ENOX1: variants seen among roughly 807,000 people sequenced by gnomAD.
The protein encoded by ENOX1 is ecto-NOX disulfide-thiol exchanger 1.
In ENOX1, 42 loss-of-function variants were observed where a neutral mutation model predicts 82.5. That is an observed-to-expected ratio of 0.51 (90% CI 0.40 to 0.66). The LOEUF (loss-of-function observed/expected upper bound fraction) is 0.66. ENOX1 is among the 30% of genes least tolerant of loss of function. The probability of loss-of-function intolerance (pLI) is 0.00; values close to 1 mark genes in which losing one functional copy is unlikely to be tolerated. For synonymous variants in ENOX1, 271 were observed against 282.2 expected (o/e 0.96, Z 0.40); for missense variants, 608 against 811.6 (o/e 0.75, Z 3.05).
intron 1 of ENOX1, among the ~76,000 whole-genome samples, chr13:43,780,451 A>T (rs1049428938): frequency 6.6e-6 from 1 of 152,226 alleles, no homozygotes; most frequent in Non-Finnish European, 1.5e-5. Context: ...TTAACCTTTT[A>T]TCAGCTTTTA....
chr13:43,615,407 T>C (rs546457847), intron 2 of ENOX1, among the ~76,000 whole-genome samples: 4 of 152,134 alleles, frequency 2.6e-5, no homozygotes, highest in African/African-American at 9.7e-5. Flanking sequence ...GAATCCAGCA[T>C]GGCATGATGG....
intron 1 of ENOX1, among the ~76,000 whole-genome samples, chr13:43,685,267 T>C (rs1315838280): frequency 6.6e-6 from 1 of 152,198 alleles, no homozygotes; most frequent in Non-Finnish European, 1.5e-5. Context: ...GCAATCTGCA[T>C]CTTGCATAGT....
chr13:43,784,178 G>T (rs1460286340), intron 1 of ENOX1, among the ~76,000 whole-genome samples: 3 of 152,170 alleles, frequency 2.0e-5, no homozygotes, highest in Non-Finnish European at 2.9e-5. Context: ...AAAATTACGT[G>T]TATAAATATA....
chr13:43,695,820 G>A (rs962422087), intron 1 of ENOX1, among the ~76,000 whole-genome samples: 3 of 152,026 alleles, frequency 2.0e-5, no homozygotes, highest in Non-Finnish European at 2.9e-5. Flanking sequence ...AATATTCCCC[G>A]TTTTTAAGTG....
chr13:43,250,658 T>C (rs1201146970), intron 14 of ENOX1, among the ~76,000 whole-genome samples: 1 of 152,236 alleles, frequency 6.6e-6, no homozygotes, highest in Non-Finnish European at 1.5e-5. Context: ...ATTGAATTTA[T>C]TGAGCCTCCT....
At chr13:43,336,727 A>G (rs2048736560) in intron 9 of ENOX1, among the ~76,000 whole-genome samples, 1 of 152,228 alleles carries the variant, frequency 6.6e-6, no homozygotes, top group African/African-American at 2.4e-5. Flanking sequence ...CATGGTTGAC[A>G]TAAGAACTGT....
At chr13:43,691,903 T>C (rs2086387790) in intron 1 of ENOX1, among the ~76,000 whole-genome samples, 1 of 152,052 alleles carries the variant, frequency 6.6e-6, no homozygotes, top group South Asian at 2.1e-4. Flanking sequence ...GGTTTCACCG[T>C]GTTAGGCAGG....
chr13:43,555,952 C>A (rs1287222411), intron 2 of ENOX1, among the ~76,000 whole-genome samples: 3 of 152,120 alleles, frequency 2.0e-5, no homozygotes, highest in Non-Finnish European at 4.4e-5. Context: ...GAAGGTTTGG[C>A]CATTATAACT....
At chr13:43,217,905 G>A (rs918235650) in intron 16 of ENOX1, among the ~76,000 whole-genome samples, 5 of 152,118 alleles carry the variant, frequency 3.3e-5, no homozygotes, top group Admixed American at 6.5e-5. Flanking sequence ...GGTCTTTTGC[G>A]CACCTTAAAG....
intron 2 of ENOX1, among the ~76,000 whole-genome samples, chr13:43,662,005 T>C (rs1014309865): frequency 2.0e-5 from 3 of 151,908 alleles, no homozygotes; most frequent in Admixed American, 1.3e-4. Flanking sequence ...TTTTTTTTTA[T>C]AGACAGCAAT....
At chr13:43,656,366 T>A (rs898630424) in intron 2 of ENOX1, among the ~76,000 whole-genome samples, 1 of 152,200 alleles carries the variant, frequency 6.6e-6, no homozygotes, top group African/African-American at 2.4e-5. Context: ...GTAAATTTTT[T>A]AAAATTAAGA....
chr13:43,619,833 ATTC>A (rs2082645585), intron 2 of ENOX1, among the ~76,000 whole-genome samples: 1 of 152,076 alleles, frequency 6.6e-6, no homozygotes, highest in Non-Finnish European at 1.5e-5. Flanking sequence ...TTGGGTATCA[ATTC>A]TTCTTTGAAT....
intron 2 of ENOX1, among the ~76,000 whole-genome samples, chr13:43,630,452 C>T (rs988274417): frequency 1.3e-5 from 2 of 151,926 alleles, no homozygotes; most frequent in African/African-American, 4.8e-5. Flanking sequence ...GATAGAAATA[C>T]AATTAAAACA....
intron 1 of ENOX1, among the ~76,000 whole-genome samples, chr13:43,670,555 T>C (rs1033639155): frequency 3.3e-5 from 5 of 152,128 alleles, no homozygotes; most frequent in Non-Finnish European, 5.9e-5. Context: ...CTGAATTAAG[T>C]ATTTGAAGGA....
intron 14 of ENOX1, among the ~76,000 whole-genome samples, chr13:43,256,077 A>C (rs1043099306): frequency 6.6e-6 from 1 of 152,180 alleles, no homozygotes; most frequent in Non-Finnish European, 1.5e-5. Flanking sequence ...AGTCTTTTCA[A>C]TAAGTGGTGC....
chr13:43,730,952 T>G (rs542656972), intron 1 of ENOX1, among the ~76,000 whole-genome samples: 1 of 152,338 alleles, frequency 6.6e-6, no homozygotes, highest in Admixed American at 6.5e-5. Flanking sequence ...CAGCAGCTGC[T>G]GCTCTTTAAC....
chr13:43,504,707 G>C (rs529631386), intron 2 of ENOX1, among the ~76,000 whole-genome samples: 1 of 151,548 alleles, frequency 6.6e-6, no homozygotes, highest in Non-Finnish European at 1.5e-5. Flanking sequence ...AAAATGTTCA[G>C]TTATAAAAGA....
intron 2 of ENOX1, among the ~76,000 whole-genome samples, chr13:43,558,102 C>A (rs935709756): frequency 6.6e-6 from 1 of 152,184 alleles, no homozygotes; most frequent in Admixed American, 6.5e-5. Flanking sequence ...TGTGGTCATT[C>A]TGAGAGCTGG....
At chr13:43,657,061 G>A (rs1262974345) in intron 2 of ENOX1, among the ~76,000 whole-genome samples, 1 of 152,132 alleles carries the variant, frequency 6.6e-6, no homozygotes, top group East Asian at 1.9e-4. Context: ...AATAGCCTCT[G>A]CATTTAAGAA....
Sources: allele counts gnomAD v4.1 joint callset (sites outside exome capture counted in the v4.1 genomes callset), GRCh38; gene constraint gnomAD v4.1.1; transcripts MANE v1.5; gene names NCBI Gene and HGNC (gene_info 2026-07-23, HGNC 2026-07-21).